BOD1L1: variants seen among roughly 807,000 people sequenced by gnomAD.
The protein encoded by BOD1L1 is biorientation of chromosomes in cell division protein 1-like 1.
A neutral mutation model predicts 240.7 loss-of-function variants in BOD1L1; 86 were observed. The observed-to-expected ratio is 0.36, with a 90% CI of 0.30 to 0.43. The LOEUF is 0.43. BOD1L1 is among the 20% of genes least tolerant of loss of function. The pLI, the probability that BOD1L1 is intolerant of heterozygous loss-of-function variation, is 1.00. For missense variants in BOD1L1, 3,554 were observed against 3,643.5 expected, an observed-to-expected ratio of 0.98 and a Z score of 0.63; for synonymous variants, 1,268 against 1,272.3, an observed-to-expected ratio of 1.00 and a Z score of 0.07.
chr4:13,593,240 A>G (rs549813106), intron 12 of BOD1L1: 13 of 152,182 alleles, frequency 8.5e-5, no homozygotes, highest in Non-Finnish European at 1.6e-4. Context: ...CCCTCCCCCA[A>G]TCCAATTTTA....
rs1393252843 is a variant in BOD1L1 at position 13,587,722 on chromosome 4, T to G, written c.8330A>C (p.Tyr2777Ser). ...ACCTGGTTCATCTTCTGAAGAGAGA[T>G]AATGCTGCTTTCTTTTTCTTTTAGG... ...HMPKRKRKQHYLSSEDEPDDN... is the reference protein window; with the variant it reads ...HMPKRKRKQHSLSSEDEPDDN... The change falls in exon 16 of 26, where the codon TAT (tyrosine) becomes TCT (serine). Residue 2777 changes from tyrosine to serine, a missense_variant. Transcript: ENST00000040738. 1 of 1,559,288 alleles carries G rather than the reference T, an allele frequency of 6.4e-7. No individual in the cohort carries two copies. The highest frequency in any genetic ancestry group is 8.7e-7 in the Non-Finnish European group (1 of 1,148,814).
rs147211430 is a variant in BOD1L1 at position 13,589,922 on chromosome 4, G to C, written c.8209+464C>G. ...AAAATTCTATGTTCTGTTTGAGAAG[G>C]GAATTTTCTGTTCAGAGTTGGCAGC... On this transcript the variant is annotated intron_variant, in intron 14 of 25. Transcript: ENST00000040738. 2.0e-3 allele frequency among the ~76,000 whole-genome samples: 303 copies of C among 152,266 alleles called. 2 individuals carry two copies. Among genetic ancestry groups the C allele is most frequent in the African/African-American group, 6.9e-3 (288 of 41,546 alleles).
At chr4:13,598,838 TTA>T in intron 10 of BOD1L1, 106 bp downstream of exon 10, 2 of 1,186,088 alleles carry the variant, frequency 1.7e-6, no homozygotes, top group Non-Finnish European at 2.3e-6. Context: ...TATAGATATT[TTA>T]TCTTTCTGGA....
rs1716351919 is a variant in BOD1L1 at position 13,613,625 on chromosome 4, G to GT, written c.1210dup (p.Thr404AsnfsTer6). 1.9e-6 allele frequency: 3 copies of GT among 1,595,676 alleles called. No homozygotes were observed. Among genetic ancestry groups the GT allele is most frequent in the Non-Finnish European group, 2.6e-6 (3 of 1,168,044 alleles). On this transcript the variant is annotated frameshift_variant, in exon 5 of 26. Coordinates refer to ENST00000040738, the MANE Select transcript of BOD1L1 (RefSeq NM_148894.3). LOFTEE classifies it high-confidence loss of function. The surrounding 1 kb of genome is among the most constrained non-coding windows in gnomAD (Gnocchi z 4.0). ...ATGAACAGAGCTAACTGTGATGTCT[G>GT]TAAGTCCATCCACATCAGAATCTAT...
chr4:13,582,513 T>G (rs1713316404), intron 18 of BOD1L1, 139 bp downstream of exon 18: 1 of 710,920 alleles, frequency 1.4e-6, no homozygotes, highest in Non-Finnish European at 2.3e-6. Flanking sequence ...TAAAAATGAT[T>G]CCCTAGCCCT....
At chr4:13,576,091 G>A (rs1022185912) in intron 25 of BOD1L1, among the ~76,000 whole-genome samples, 8 of 151,646 alleles carry the variant, frequency 5.3e-5, no homozygotes, top group Non-Finnish European at 1.2e-4. Context: ...TAGTAGAGAC[G>A]GGGTTTCACC....
chr4:13,626,507 C>T (rs1176894936), intron 1 of BOD1L1, among the ~76,000 whole-genome samples: 2 of 152,124 alleles, frequency 1.3e-5, no homozygotes, highest in African/African-American at 2.4e-5. Flanking sequence ...CTGCTCTTTC[C>T]TGGTGTCTTT....
rs563077358 is a variant in BOD1L1 at position 13,609,344 on chromosome 4, T to C, written c.1554A>G (p.Lys518=). The C allele has an allele frequency of 6.4e-7, 1 of 1,560,842 alleles. No homozygotes were observed. Among genetic ancestry groups the C allele is most frequent in the African/African-American group, 1.4e-5 (1 of 73,138 alleles). The change falls in exon 7 of 26, where the codon AAA becomes AAG. Residue 518 remains lysine, a synonymous_variant. Coordinates refer to ENST00000040738, the MANE Select transcript of BOD1L1 (RefSeq NM_148894.3). ...RQINREKLEE[K]RKQKAEKTKS... ...TTGTCTTTTCTGCTTTCTGTTTTCG[T>C]TTTTCTTCAAGTTTTTCTCTATTGA...
intron 8 of BOD1L1, among the ~76,000 whole-genome samples, chr4:13,607,699 CAT>C (rs1353857743): frequency 6.6e-6 from 1 of 152,210 alleles, no homozygotes; most frequent in Non-Finnish European, 1.5e-5. Context: ...CAATCCCAAA[CAT>C]AGCATTAACT....
chr4:13,577,332 T>G (rs1712836271), intron 24 of BOD1L1, 71 bp downstream of exon 24: 1 of 1,346,100 alleles, frequency 7.4e-7, no homozygotes, highest in African/African-American at 1.5e-5. Context: ...TTTTTCCTCA[T>G]TCAAAGAAAA....
At chr4:13,595,966 A>T in intron 11 of BOD1L1, 22 bp from the exon 12 acceptor site, 1 of 1,604,428 alleles carries the variant, frequency 6.2e-7, no homozygotes, top group Non-Finnish European at 8.5e-7. Flanking sequence ...AAAGCACCAT[A>T]AAAATAAGTT....
Position 13,601,731 on chromosome 4 carries a change from T to C in BOD1L1, c.5169A>G (p.Thr1723=). Residue 1723 remains threonine, a synonymous_variant, in exon 10 of 26, where the codon ACA becomes ACG. Transcript: ENST00000040738. ...CTCCTGTACATGTCACAGTGCCCTC[T>C]GTTTCTTTTTTGGGACCCATTCTCA... ...NMMRMGPKKE[T]EGTVTCTGAE... 6.2e-7 allele frequency: 1 copy of C among 1,614,030 alleles called. No individual in the cohort carries two copies. The highest frequency in any genetic ancestry group is 8.5e-7 in the Non-Finnish European group (1 of 1,179,896).
At chr4:13,594,114 C>T (rs1027232808) in intron 12 of BOD1L1, among the ~76,000 whole-genome samples, 2 of 152,204 alleles carry the variant, frequency 1.3e-5, no homozygotes, top group Non-Finnish European at 2.9e-5. Flanking sequence ...GAGCTATCTG[C>T]ATCCTCTTGG....
In BOD1L1 at chr4:13,599,855, C is replaced by T. The variant is rs748867874; in HGVS notation, c.7045G>A (p.Glu2349Lys). The change falls in exon 10 of 26, where the codon GAG (glutamate) becomes AAG (lysine). Residue 2349 changes from glutamate (E) to lysine (K), a missense_variant. By Grantham distance (56) the Glu-to-Lys change is moderately conservative. Transcript: ENST00000040738. The stretch of plus-strand genomic sequence containing the variant: ...GGGTTGTCTGCAGTCAGCTGATTCT[C>T]TTCATGTCTGTCAATGCTGGCGGAA... Reference protein sequence around the residue: ...PISASIDRHEENQLTADNPEG... With the variant: ...PISASIDRHEKNQLTADNPEG... 3.9e-5 allele frequency: 63 copies of T among 1,613,872 alleles called. No individual in the cohort carries two copies. The East Asian group carries it at 1.4e-3, about 36-fold the overall frequency.
In BOD1L1 at chr4:13,602,663, C is replaced by T; in HGVS notation, c.4237G>A (p.Glu1413Lys). 1 of 1,613,982 alleles carries T rather than the reference C, an allele frequency of 6.2e-7. No individual in the cohort carries two copies. The highest frequency in any genetic ancestry group is 8.5e-7 in the Non-Finnish European group (1 of 1,179,880). ...EGGLVDMAKK[E>K]NDLNAEPNLK... Reference sequence around the variant, plus strand: ...TTGGGCTCTGCATTTAAGTCATTTTCTTTCTTGGCCATGTCCACTAAGCCA... The same window carrying T: ...TTGGGCTCTGCATTTAAGTCATTTTTTTTCTTGGCCATGTCCACTAAGCCA... The change falls in exon 10 of 26, where the codon GAA becomes AAA. Residue 1413 changes from glutamate (E) to lysine (K), a missense_variant. Physicochemically the swap from Glu to Lys is moderately conservative, Grantham distance 56. This residue lies in a region of BOD1L1 where 3,393 missense variants were observed against 3,427.1 expected (regional missense o/e 0.99). Coordinates refer to ENST00000040738, the MANE Select transcript of BOD1L1 (RefSeq NM_148894.3).
At chr4:13,573,749 C>T (rs1295223422) in intron 25 of BOD1L1, among the ~76,000 whole-genome samples, 1 of 152,162 alleles carries the variant, frequency 6.6e-6, no homozygotes, top group Admixed American at 6.5e-5. Flanking sequence ...GTCTTGAACA[C>T]CCGGCCTTAA....
chr4:13,598,081 T>C lies in BOD1L1; in HGVS notation c.7954+865A>G, dbSNP rs572527634. ...CTGTGCTTAATCCCAGTCTATGCAATTGTCATGCTTTAAAGTGTCACTGTC... is the reference window on the plus strand; with the variant it reads ...CTGTGCTTAATCCCAGTCTATGCAACTGTCATGCTTTAAAGTGTCACTGTC... On this transcript the variant is annotated intron_variant, in intron 10 of 25. Transcript: ENST00000040738. Among the ~76,000 whole-genome samples the C allele has an allele frequency of 1.8e-4, 27 of 152,330 alleles. No individual in the cohort carries two copies. In the South Asian group the frequency reaches 4.8e-3, roughly 27 times the overall value.
chr4:13,577,757 G>A (rs1243852971), intron 22 of BOD1L1, 126 bp from the exon 23 acceptor site: 2 of 689,110 alleles, frequency 2.9e-6, no homozygotes, highest in Admixed American at 2.8e-5. Flanking sequence ...TCATTATCTT[G>A]TATCAGTCAA....
intron 17 of BOD1L1, among the ~76,000 whole-genome samples, chr4:13,583,403 A>AT (rs1465161871): frequency 6.6e-6 from 1 of 152,188 alleles, no homozygotes; most frequent in Non-Finnish European, 1.5e-5. Flanking sequence ...AATTTTACTT[A>AT]TTTTTTAATA....
Sources: gnomAD v4.1 joint callset for allele counts (sites outside exome capture counted in the v4.1 genomes callset) on GRCh38, gnomAD v4.1.1 for gene constraint, gnomAD v4.1.1 regional missense constraint, Gnocchi (gnomAD v3.1) non-coding constraint, MANE v1.5 for transcripts, NCBI Gene and HGNC (gene_info 2026-07-23, HGNC 2026-07-21) for gene names.